The following NDUFAF2 variants were observed in gnomAD, a reference collection of about 807,000 sequenced individuals.
The protein encoded by NDUFAF2 is NADH dehydrogenase [ubiquinone] 1 alpha subcomplex assembly factor 2.
In NDUFAF2, 13 loss-of-function variants were observed where a neutral mutation model predicts 22.8. The ratio of observed to expected loss-of-function variants is 0.57; its 90% CI spans 0.37 to 0.91. The LOEUF (loss-of-function observed/expected upper bound fraction) is 0.91, where lower values mean the gene tolerates loss of function less well. Ranked by LOEUF, NDUFAF2 falls within the 40% of genes least tolerant of loss-of-function variation. NDUFAF2 has a pLI of 0.01. For missense variants in NDUFAF2, 162 were observed against 195.2 expected, an observed-to-expected ratio of 0.83 and a Z score of 1.01; for synonymous variants, 53 against 64.2, an observed-to-expected ratio of 0.83 and a Z score of 0.84.
At chr5:61,121,651 A>AT (rs1271595597) in intron 3 of NDUFAF2, among the ~76,000 whole-genome samples, 1 of 151,930 alleles carries the variant, frequency 6.6e-6, no homozygotes, top group Non-Finnish European at 1.5e-5. Context: ...GTGTCAAAGT[A>AT]TTTTTTTAAG....
chr5:61,110,230 T>C lies in NDUFAF2; in HGVS notation c.258+11198T>C, dbSNP rs1752821223. Among the ~76,000 whole-genome samples the C allele has an allele frequency of 1.3e-5, 2 of 152,122 alleles. 1 individual carries two copies. The highest frequency in any genetic ancestry group is 4.2e-4 in the South Asian group (2 of 4,818). On this transcript the variant is annotated intron_variant, in intron 3 of 3. Coordinates refer to ENST00000296597, the MANE Select transcript of NDUFAF2 (RefSeq NM_174889.5). ...TTGTTGAGGATTTTTGCATCAGTGTTCATCAGGGATATTGGCCTATAGTTT... is the reference window on the plus strand; with the variant it reads ...TTGTTGAGGATTTTTGCATCAGTGTCCATCAGGGATATTGGCCTATAGTTT...
intron 1 of NDUFAF2, among the ~76,000 whole-genome samples, chr5:60,999,060 A>C (rs1751263604): frequency 6.6e-6 from 1 of 151,966 alleles, no homozygotes. Flanking sequence ...AGACCAATGA[A>C]AGTTGAGTGA....
intron 1 of NDUFAF2, among the ~76,000 whole-genome samples, chr5:61,036,590 A>G (rs1751803511): frequency 6.6e-6 from 1 of 152,238 alleles, no homozygotes; most frequent in African/African-American, 2.4e-5. Context: ...TAAAGGGACT[A>G]TGTAAAGGTG....
intron 1 of NDUFAF2, among the ~76,000 whole-genome samples, chr5:61,062,487 G>A (rs969127227): frequency 2.0e-5 from 3 of 152,186 alleles, no homozygotes; most frequent in Non-Finnish European, 4.4e-5. Flanking sequence ...TGAATCTGAA[G>A]ATAGGTCTGT....
intron 1 of NDUFAF2, among the ~76,000 whole-genome samples, chr5:60,959,514 A>G (rs895837428): frequency 6.6e-6 from 1 of 152,086 alleles, no homozygotes. Context: ...AAAATTTTAA[A>G]TCAAACATTT....
intron 1 of NDUFAF2, among the ~76,000 whole-genome samples, chr5:60,949,358 A>G (rs1349562027): frequency 6.6e-6 from 1 of 152,180 alleles, no homozygotes. Context: ...TTTGAGATTC[A>G]TTACGTATAT....
At chr5:60,977,414 G>T (rs553254211) in intron 1 of NDUFAF2, among the ~76,000 whole-genome samples, 237 of 130,712 alleles carry the variant, frequency 1.8e-3, no homozygotes, top group Middle Eastern at 7.5e-3. Flanking sequence ...GGGTTATGGA[G>T]CTGTCTCCAA....
chr5:60,974,997 C>T (rs749136569), intron 1 of NDUFAF2, among the ~76,000 whole-genome samples: 7 of 151,906 alleles, frequency 4.6e-5, no homozygotes, highest in South Asian at 2.1e-4. Context: ...TTAGTAGAGA[C>T]GAGGTTTCAC....
chr5:61,111,776 G>T (rs971717008), intron 3 of NDUFAF2, among the ~76,000 whole-genome samples: 1 of 151,828 alleles, frequency 6.6e-6, no homozygotes, highest in African/African-American at 2.4e-5. Flanking sequence ...GTGCCACCAC[G>T]CCCGGCTAAT....
intron 3 of NDUFAF2, among the ~76,000 whole-genome samples, chr5:61,113,357 T>C (rs891737172): frequency 6.6e-6 from 1 of 152,200 alleles, no homozygotes; most frequent in Admixed American, 6.5e-5. Flanking sequence ...TGAAATTTCT[T>C]AGCTTTGTTT....
chr5:61,136,747 G>A (rs916883990), intron 3 of NDUFAF2, among the ~76,000 whole-genome samples: 6 of 152,170 alleles, frequency 3.9e-5, no homozygotes, highest in Non-Finnish European at 7.4e-5. Flanking sequence ...GTGGGCAAAC[G>A]AGCTCAGTTT....
chr5:60,998,202 A>T (rs903854906), intron 1 of NDUFAF2, among the ~76,000 whole-genome samples: 2 of 152,190 alleles, frequency 1.3e-5, no homozygotes, highest in African/African-American at 4.8e-5. Context: ...TAATTTTAGT[A>T]AGGCTAATTG....
intron 1 of NDUFAF2, among the ~76,000 whole-genome samples, chr5:60,997,066 C>T (rs1268124078): frequency 6.6e-6 from 1 of 152,170 alleles, no homozygotes; most frequent in Non-Finnish European, 1.5e-5. Context: ...CCCTCTGTCT[C>T]ACCTGTTTTT....
At chr5:60,957,123 C>T (rs905747393) in intron 1 of NDUFAF2, among the ~76,000 whole-genome samples, 7 of 151,910 alleles carry the variant, frequency 4.6e-5, no homozygotes, top group African/African-American at 1.7e-4. Context: ...ACCTTTTGTT[C>T]TAACTTGAGA....
chr5:61,139,713 C>T (rs1442809011), intron 3 of NDUFAF2, among the ~76,000 whole-genome samples: 1 of 152,262 alleles, frequency 6.6e-6, no homozygotes, highest in African/African-American at 2.4e-5. Flanking sequence ...AGCCTGGAGG[C>T]TGAAAGACCA....
chr5:61,103,970 G>C (rs1014586974), intron 3 of NDUFAF2, among the ~76,000 whole-genome samples: 7 of 151,996 alleles, frequency 4.6e-5, no homozygotes, highest in South Asian at 2.1e-4. Context: ...TATTAAATAG[G>C]CTTTGTGTTA....
At chr5:61,000,424 A>G (rs965196624) in intron 1 of NDUFAF2, among the ~76,000 whole-genome samples, 1 of 152,114 alleles carries the variant, frequency 6.6e-6, no homozygotes, top group Non-Finnish European at 1.5e-5. Context: ...TCTAAGCTGT[A>G]TTATCTGTGT....
chr5:61,148,003 T>C (rs1741167004), intron 3 of NDUFAF2, among the ~76,000 whole-genome samples: 1 of 152,222 alleles, frequency 6.6e-6, no homozygotes, highest in South Asian at 2.1e-4. Flanking sequence ...TCCTGCTTTA[T>C]GGAGTTTCAC....
intron 1 of NDUFAF2, among the ~76,000 whole-genome samples, chr5:61,028,558 A>G (rs540987125): frequency 6.6e-6 from 1 of 152,246 alleles, no homozygotes; most frequent in South Asian, 2.1e-4. Flanking sequence ...CATATTTTCC[A>G]TAGTATGGAT....
Sources: gnomAD v4.1 joint callset for allele counts (sites outside exome capture counted in the v4.1 genomes callset) on GRCh38, gnomAD v4.1.1 for gene constraint, MANE v1.5 for transcripts, NCBI Gene and HGNC (gene_info 2026-07-23, HGNC 2026-07-21) for gene names.